Variants in UQCRC1 observed in about 807,000 individuals in gnomAD.
UQCRC1 encodes cytochrome b-c1 complex subunit 1, mitochondrial.
UQCRC1 carries 34 observed loss-of-function variants against 58.0 expected under a neutral mutation model. That is an observed-to-expected ratio of 0.59 (90% CI 0.45 to 0.78). UQCRC1 has a LOEUF of 0.78. UQCRC1 is among the 30% of genes least tolerant of loss of function. UQCRC1 has a pLI of 0.00. For missense variants in UQCRC1, 610 were observed against 646.0 expected (o/e 0.94, Z 0.60); for synonymous variants, 276 against 248.8 (o/e 1.11, Z -1.03).
rs202030377 is a variant in UQCRC1, at chr3:48,599,638, A to G, written c.1375T>C (p.Tyr459His). 3.7e-6 allele frequency: 6 copies of G among 1,613,846 alleles called. No individual in the cohort carries two copies. Among genetic ancestry groups the G allele is most frequent in the Non-Finnish European group, 5.1e-6 (6 of 1,179,926 alleles). Residue 459 changes from tyrosine to histidine, a missense_variant, in exon 12 of 13, where the codon TAT (tyrosine) becomes CAT (histidine). Physicochemically the swap from Tyr to His is moderately conservative, Grantham distance 83. Coordinates refer to ENST00000203407, the MANE Select transcript of UQCRC1 (RefSeq NM_003365.3). ...GCAGACCCCCTAGGCCACTTACCAT[A>G]TCCAGCCACTGCTGGGCACTGGTCA... ...IYDQCPAVAG[Y>H]GPIEQLPDYN... is the part of the protein sequence containing the mutation.
Position 48,609,562 on chromosome 3 carries a change from G to A in UQCRC1, c.59C>T (p.Ala20Val), listed in dbSNP as rs1396740040. The change falls in exon 1 of 13, where the codon GCC becomes GTC. Residue 20 changes from alanine (A) to valine (V), a missense_variant. Coordinates refer to ENST00000203407, the MANE Select transcript of UQCRC1 (RefSeq NM_003365.3). Reference sequence around the variant, plus strand: ...TCGCCACCACCTCACCGAGCGGCGGGCGCGCAATAGCACTTGTGCCCCGGC... The same window carrying A: ...TCGCCACCACCTCACCGAGCGGCGGACGCGCAATAGCACTTGTGCCCCGGC... Reference protein sequence around the residue: ...ATAGAQVLLRARRSPALLRTP... With the variant: ...ATAGAQVLLRVRRSPALLRTP... The A allele has an allele frequency of 2.6e-6, 4 of 1,567,304 alleles. No homozygotes were observed. The African/African-American group carries it at 4.1e-5, about 16-fold the overall frequency.
chr3:48,608,974 A>AGT (rs2046437721), intron 2 of UQCRC1, among the ~76,000 whole-genome samples, 188 bp downstream of exon 2: 2 of 152,218 alleles, frequency 1.3e-5, no homozygotes, highest in Non-Finnish European at 2.9e-5. Flanking sequence ...GTTGGCTTAT[A>AGT]GTGAAGATTG....
chr3:48,600,001 C>G (rs2046348685), intron 11 of UQCRC1, 62 bp downstream of exon 11: 1 of 1,597,810 alleles, frequency 6.3e-7, no homozygotes, highest in African/African-American at 1.3e-5. Context: ...GGCCCCAACC[C>G]TACACCTCCC....
intron 10 of UQCRC1, among the ~76,000 whole-genome samples, 153 bp from the exon 11 acceptor site, chr3:48,600,304 AGTGATGGGCT>A (rs1175430519): frequency 2.0e-5 from 3 of 152,154 alleles, no homozygotes; most frequent in Admixed American, 6.5e-5. Flanking sequence ...CTATTATGGC[AGTGATGGGCT>A]GTGGACCTGT....
At chr3:48,602,116 T>C (rs1370441166) in intron 6 of UQCRC1, among the ~76,000 whole-genome samples, 1 of 150,264 alleles carries the variant, frequency 6.7e-6, no homozygotes, top group Non-Finnish European at 1.5e-5. Context: ...AGTGGTGCAA[T>C]CTCAGCTAAC....
At chr3:48,605,718 AG>A in intron 3 of UQCRC1, 51 bp downstream of exon 3, 1 of 1,562,328 alleles carries the variant, frequency 6.4e-7, no homozygotes, top group Non-Finnish European at 8.7e-7. Flanking sequence ...CATCCTCAGG[AG>A]GGACAACAGG....
In UQCRC1 at chr3:48,605,802, C is replaced by A. The variant is rs201250580; in HGVS notation, c.265G>T (p.Ala89Ser). The part of the protein sequence containing the change: ...SRFETEKNNG[A>S]GYFLEHLAFK... Reference sequence around the variant, plus strand: ...GCCAGATGCTCCAAAAAGTAGCCTGCCCCATTATTCTTCTCAGTCTCAAAA... The same window carrying A: ...GCCAGATGCTCCAAAAAGTAGCCTGACCCATTATTCTTCTCAGTCTCAAAA... Residue 89 changes from alanine to serine, a missense_variant, in exon 3 of 13, where the codon GCA (alanine) becomes TCA (serine). Transcript: ENST00000203407. 2.2e-4 allele frequency: 359 copies of A among 1,613,874 alleles called. 2 individuals carry two copies. The Middle Eastern group carries it at 5.3e-3, about 24-fold the overall frequency.
In UQCRC1 at chr3:48,609,145, A is replaced by G; in HGVS notation, c.210+17T>C. 6.3e-7 allele frequency: 1 copy of G among 1,596,052 alleles called. No individual in the cohort carries two copies. Among genetic ancestry groups the G allele is most frequent in the Non-Finnish European group, 8.6e-7 (1 of 1,166,926 alleles). On this transcript the variant is annotated intron_variant, in intron 2 of 12. Transcript: ENST00000203407. ...CCCAACCTGGAGGCCCTCTCCCCAA[A>G]AGCGTCCCCAACTCACCGTGCAAGT...
chr3:48,605,593 C>T (rs1193978734), intron 3 of UQCRC1, among the ~76,000 whole-genome samples, 177 bp downstream of exon 3: 1 of 152,060 alleles, frequency 6.6e-6, no homozygotes, highest in East Asian at 1.9e-4. Context: ...GGCAGGGGCT[C>T]ATCAGATACG....
intron 10 of UQCRC1, 122 bp from the exon 11 acceptor site, chr3:48,600,273 A>G (rs1408354440): frequency 8.5e-7 from 1 of 1,180,898 alleles, no homozygotes; most frequent in Non-Finnish European, 1.2e-6. Flanking sequence ...CTCAGATCAC[A>G]GCCCTCTCTT....
chr3:48,602,251 C>T (rs1009775077), intron 6 of UQCRC1, among the ~76,000 whole-genome samples: 15 of 151,938 alleles, frequency 9.9e-5, no homozygotes, highest in Admixed American at 2.0e-4. Context: ...CGGGGTTTCA[C>T]TGTGTTAGCC....
chr3:48,607,326 C>T (rs2046423463), intron 2 of UQCRC1, among the ~76,000 whole-genome samples: 1 of 152,144 alleles, frequency 6.6e-6, no homozygotes, highest in Non-Finnish European at 1.5e-5. Flanking sequence ...CAGGCGTGAG[C>T]CACCGCGTCT....
chr3:48,604,890 A>G (rs1437475014), intron 3 of UQCRC1, 110 bp from the exon 4 acceptor site: 4 of 1,460,994 alleles, frequency 2.7e-6, no homozygotes, highest in East Asian at 4.7e-5. Flanking sequence ...TACCTCCCTC[A>G]GCATAGACTC....
In UQCRC1 at chr3:48,599,080, G is replaced by T. The variant is rs575926762; in HGVS notation, c.*48C>A. 1.3e-4 allele frequency: 206 copies of T among 1,601,488 alleles called. No homozygotes were observed. The highest frequency in any genetic ancestry group is 1.6e-4 in the Non-Finnish European group (189 of 1,171,094). ...GAAGTGCTGTGTTTGTGGTGGGGGG[G>T]GGACCACAAACCCCGGCCCTGCCCT... On this transcript the variant is annotated 3_prime_UTR_variant, in exon 13 of 13. Coordinates refer to ENST00000203407, the MANE Select transcript of UQCRC1 (RefSeq NM_003365.3).
Position 48,600,844 on chromosome 3 carries a change from C to T in UQCRC1, c.967-4G>A. The T allele has an allele frequency of 1.9e-6, 3 of 1,613,774 alleles. No individual in the cohort carries two copies. The highest frequency in any genetic ancestry group is 1.7e-6 in the Non-Finnish European group (2 of 1,180,016). ...AAGCCAGTGGGCTGGACAGGTGCTG[C>T]CAGGGGGATAGGTGGTCAGCACCCA... On this transcript the variant is annotated splice_polypyrimidine_tract_variant and splice_region_variant and intron_variant, in intron 8 of 12. Coordinates refer to ENST00000203407, the MANE Select transcript of UQCRC1 (RefSeq NM_003365.3).
chr3:48,606,277 C>G (rs570156587), intron 2 of UQCRC1, among the ~76,000 whole-genome samples: 1 of 152,164 alleles, frequency 6.6e-6, no homozygotes, highest in East Asian at 1.9e-4. Flanking sequence ...ATGATTTTAT[C>G]CTTTCATCAT....
chr3:48,609,244 T>C lies in UQCRC1; in HGVS notation c.128A>G (p.Gln43Arg), dbSNP rs1377422713. The change falls in exon 2 of 13, where the codon CAG becomes CGG. Residue 43 changes from glutamine to arginine, a missense_variant. Gln to Arg is a conservative substitution (Grantham distance 43, BLOSUM62 1). Transcript: ENST00000203407. The stretch of plus-strand genomic sequence containing the variant: ...GCTAACCTGCGTCTCCGGCACGAAC[T>C]GGAGCGCCTGAGCGAAGGTTGCCGT... ...RSTATFAQAL[Q>R]FVPETQVSLL... The C allele has an allele frequency of 5.0e-6, 8 of 1,611,942 alleles. No homozygotes were observed. The Admixed American group carries it at 6.7e-5, about 13-fold the overall frequency.
intron 11 of UQCRC1, 152 bp from the exon 12 acceptor site, chr3:48,599,862 A>G (rs997876604): frequency 4.9e-6 from 5 of 1,021,744 alleles, no homozygotes; most frequent in Non-Finnish European, 7.3e-6. Flanking sequence ...CCTGCTATAG[A>G]CCTCCATGGG....
chr3:48,603,458 G>A, intron 6 of UQCRC1, 106 bp downstream of exon 6: 3 of 1,105,534 alleles, frequency 2.7e-6, no homozygotes, highest in Non-Finnish European at 4.0e-6. Context: ...GGTGGGAGCA[G>A]AGTCCCCTGG....
Sources: gnomAD v4.1 joint callset for allele counts (sites outside exome capture counted in the v4.1 genomes callset) on GRCh38, gnomAD v4.1.1 for gene constraint, MANE v1.5 for transcripts, NCBI Gene and HGNC (gene_info 2026-07-23, HGNC 2026-07-21) for gene names.